The following GRK6 variants were observed in gnomAD, a reference collection of about 807,000 sequenced individuals.
The protein encoded by GRK6 is G protein-coupled receptor kinase 6.
Under a neutral mutation model 80.8 loss-of-function variants are expected in GRK6, and 37 were observed. That is an observed-to-expected ratio of 0.46 (90% CI 0.35 to 0.60). The LOEUF is 0.60. Among genes scored for constraint, GRK6 ranks in the 20% least tolerant of loss-of-function variants. The pLI is 0.00. For synonymous variants in GRK6, 295 were observed against 320.9 expected (o/e 0.92, Z 0.86); for missense variants, 560 against 784.6 (o/e 0.71, Z 3.42).
At chr5:177,439,083 A>G (rs1455980870) in intron 13 of GRK6, among the ~76,000 whole-genome samples, 1 of 152,156 alleles carries the variant, frequency 6.6e-6, no homozygotes, top group Non-Finnish European at 1.5e-5. Flanking sequence ...AAATAACTAC[A>G]CTGCCTCTGG....
chr5:177,425,601 G>T (rs1763616154), upstream of GRK6, among the ~76,000 whole-genome samples: 1 of 152,232 alleles, frequency 6.6e-6, no homozygotes, highest in Non-Finnish European at 1.5e-5. Context: ...TAGCAAGTAA[G>T]CAGGGAGCCT....
At chr5:177,427,411 A>G (rs1327817487) in intron 1 of GRK6, among the ~76,000 whole-genome samples, 1 of 152,240 alleles carries the variant, frequency 6.6e-6, no homozygotes, top group Non-Finnish European at 1.5e-5. Context: ...TCCGTGCCTC[A>G]GGACACTGAG....
At chr5:177,440,129 A>G (rs778194892) in intron 13 of GRK6, 1 of 153,546 alleles carries the variant, frequency 6.5e-6, no homozygotes, top group Admixed American at 6.5e-5. Flanking sequence ...TTACATGACA[A>G]TGATTTTAAT....
intron 15 of GRK6, 135 bp from the exon 16 acceptor site, chr5:177,441,602 G>A: frequency 1.3e-6 from 1 of 789,664 alleles, no homozygotes; most frequent in South Asian, 1.4e-5. Context: ...CTTGTGGAGA[G>A]GCCCCTCCCC....
chr5:177,432,322 G>C lies in GRK6; in HGVS notation c.339+12G>C. Reference sequence around the variant, plus strand: ...TTCTGAGCCACACGGTGAGTGAGCAGCGATGGAGAGATGATGGGAGCCACC... The same window carrying C: ...TTCTGAGCCACACGGTGAGTGAGCACCGATGGAGAGATGATGGGAGCCACC... On this transcript the variant is annotated intron_variant, in intron 4 of 15. Transcript: ENST00000355472. 1 of 1,611,486 alleles carries C rather than the reference G, an allele frequency of 6.2e-7. No individual in the cohort carries two copies. Among genetic ancestry groups the C allele is most frequent in the Admixed American group, 1.7e-5 (1 of 60,032 alleles).
At chr5:177,434,770 G>T in intron 9 of GRK6, 132 bp from the exon 10 acceptor site, 1 of 940,786 alleles carries the variant, frequency 1.1e-6, no homozygotes, top group Non-Finnish European at 1.7e-6. Flanking sequence ...GCTGTCTGTC[G>T]CCCTGGCAGC....
chr5:177,428,538 C>T lies in GRK6; in HGVS notation c.52+1641C>T, dbSNP rs1763762510. 1.3e-5 allele frequency among the ~76,000 whole-genome samples: 2 copies of T among 152,198 alleles called. No individual in the cohort carries two copies. Among genetic ancestry groups the T allele is most frequent in the African/African-American group, 4.8e-5 (2 of 41,452 alleles). Reference sequence around the variant, plus strand: ...GTTCAAGTGACTCTCCTCCCTCAGCCTCCCAAGTAGCTGGGACTACAGGTG... The same window carrying T: ...GTTCAAGTGACTCTCCTCCCTCAGCTTCCCAAGTAGCTGGGACTACAGGTG... On this transcript the variant is annotated intron_variant, in intron 1 of 15. Coordinates refer to ENST00000355472, the MANE Select transcript of GRK6 (RefSeq NM_001004106.3). This position sits in a 1 kb window ranked among gnomAD's most constrained non-coding sequence, Gnocchi z 4.1.
chr5:177,432,338 G>T, intron 4 of GRK6, 28 bp downstream of exon 4: 1 of 1,604,468 alleles, frequency 6.2e-7, no homozygotes, highest in South Asian at 1.1e-5. Context: ...GAGAGATGAT[G>T]GGAGCCACCA....
At position 177,432,039 on chromosome 5, in the gene GRK6, C is replaced by T. The variant is rs1763920660; in HGVS notation, c.193C>T (p.Leu65=). 1 of 1,613,368 alleles carries T rather than the reference C, an allele frequency of 6.2e-7. No individual in the cohort carries two copies. Among genetic ancestry groups the T allele is most frequent in the South Asian group, 1.1e-5 (1 of 91,088 alleles). ...GTGCGAGCGGCAGCCCATTGGGCGC[C>T]TGCTGTTCCGAGAGTTCTGTGCCAC... The part of the protein sequence containing the change: ...SLCERQPIGR[L]LFREFCATRP... Residue 65 remains leucine (L), a synonymous_variant, in exon 3 of 16, where the codon CTG becomes TTG. Coordinates refer to ENST00000355472, the MANE Select transcript of GRK6 (RefSeq NM_001004106.3).
At chr5:177,439,317 T>A (rs890871856) in intron 13 of GRK6, among the ~76,000 whole-genome samples, 3 of 152,156 alleles carry the variant, frequency 2.0e-5, no homozygotes, top group Non-Finnish European at 4.4e-5. Flanking sequence ...GGTGAGTGGA[T>A]CACCTGAGGT....
At position 177,428,695 on chromosome 5, in the gene GRK6, G is replaced by C. The variant is rs1431493402; in HGVS notation, c.52+1798G>C. Among the ~76,000 whole-genome samples the C allele has an allele frequency of 7.2e-5, 11 of 152,210 alleles. No individual in the cohort carries two copies. The highest frequency in any genetic ancestry group is 2.7e-4 in the African/African-American group (11 of 41,458). ...GGCCTCCCTAATTGCTGGGATTATA[G>C]GCATGAGCCACCGCGCCTGGCCGAC... On this transcript the variant is annotated intron_variant, in intron 1 of 15. Transcript: ENST00000355472. This position sits in a 1 kb window ranked among gnomAD's most constrained non-coding sequence, Gnocchi z 4.1.
chr5:177,441,232 TTTCTC>T, intron 15 of GRK6, 179 bp downstream of exon 15: 1 of 1,554,514 alleles, frequency 6.4e-7, no homozygotes, highest in Non-Finnish European at 8.8e-7. Flanking sequence ...CATGGCCTCT[TTTCTC>T]TTTCCAGAGG....
At chr5:177,435,531 C>T (rs1412401585) in intron 11 of GRK6, among the ~76,000 whole-genome samples, 1 of 152,242 alleles carries the variant, frequency 6.6e-6, no homozygotes, top group Non-Finnish European at 1.5e-5. Flanking sequence ...TCTGCAGGCT[C>T]CGCCTCTTGC....
At chr5:177,433,033 C>G (rs887148154) in intron 5 of GRK6, 114 bp from the exon 6 acceptor site, 1 of 949,986 alleles carries the variant, frequency 1.1e-6, no homozygotes, top group South Asian at 1.4e-5. Context: ...GAGGACTGGC[C>G]GACGACGATA....
chr5:177,433,537 T>G lies in GRK6; in HGVS notation c.599T>G (p.Val200Gly). 1.2e-6 allele frequency: 2 copies of G among 1,613,978 alleles called. No homozygotes were observed. The highest frequency in any genetic ancestry group is 1.7e-6 in the Non-Finnish European group (2 of 1,180,006). ...RVLGKGGFGE[V>G]CACQVRATGK... ...TCGCCCCTGTCTGTCTGGCCACAGGTGTGCGCCTGCCAGGTGCGGGCCACA... is the reference window on the plus strand; with the variant it reads ...TCGCCCCTGTCTGTCTGGCCACAGGGGTGCGCCTGCCAGGTGCGGGCCACA... Residue 200 changes from valine (V) to glycine (G), a missense_variant and splice_region_variant, in exon 8 of 16, where the codon GTG becomes GGG. By Grantham distance (109) the Val-to-Gly change is moderately radical (BLOSUM62 -3). Around this residue, in one of 3 missense-constraint regions of GRK6, gnomAD observed 77 missense variants for 156.9 expected, o/e 0.49. Coordinates refer to ENST00000355472, the MANE Select transcript of GRK6 (RefSeq NM_001004106.3).
rs753438393 is a variant in GRK6 at position 177,436,375 on chromosome 5, G to A, written c.1267-18G>A. On this transcript the variant is annotated intron_variant, in intron 12 of 15. Coordinates refer to ENST00000355472, the MANE Select transcript of GRK6 (RefSeq NM_001004106.3). ...ACTCACCTGCCTGGCCTGCCTGGCC[G>A]ACTCACCCCTGCCACAGCTCCTCTG... is the stretch of plus-strand genomic sequence containing the variant. The A allele has an allele frequency of 5.4e-5, 71 of 1,319,396 alleles. No homozygotes were observed. The highest frequency in any genetic ancestry group is 4.5e-4 in the Middle Eastern group (2 of 4,450). The allele number at this position is 1,319,396 out of a possible 1,614,324, so 81.7% of individuals were successfully genotyped here.
In GRK6 at chr5:177,441,014, T is replaced by G; in HGVS notation, c.1638T>G (p.Pro546=). 1.2e-6 allele frequency: 2 copies of G among 1,613,986 alleles called. No homozygotes were observed. Among genetic ancestry groups the G allele is most frequent in the Non-Finnish European group, 1.7e-6 (2 of 1,179,996 alleles). The part of the protein sequence containing the change: ...DLDWKGQPPA[P]PKKGLLQRLF... ...ACTGGAAGGGCCAGCCACCTGCACCTCCTAAAAAGGGACTGCTGCAGAGAC... is the reference window on the plus strand; with the variant it reads ...ACTGGAAGGGCCAGCCACCTGCACCGCCTAAAAAGGGACTGCTGCAGAGAC... Residue 546 remains proline, a synonymous_variant, in exon 15 of 16, where the codon CCT becomes CCG. Coordinates refer to ENST00000355472, the MANE Select transcript of GRK6 (RefSeq NM_001004106.3).
At position 177,436,171 on chromosome 5, in the gene GRK6, C is replaced by T. The variant is rs761929808; in HGVS notation, c.1156C>T (p.Gln386Ter). 2 of 1,614,090 alleles carry T rather than the reference C, an allele frequency of 1.2e-6. No homozygotes were observed. The highest frequency in any genetic ancestry group is 1.7e-5 in the Admixed American group (1 of 60,012). The change falls in exon 12 of 16, where the codon CAG becomes TAG. Residue 386 changes from glutamine (Q) to a stop codon, truncating the protein, a stop_gained. Coordinates refer to ENST00000355472, the MANE Select transcript of GRK6 (RefSeq NM_001004106.3). LOFTEE classifies it high-confidence loss of function. ...YEMIAGQSPF[Q>*]QRKKKIKREE... ...GATGATCGCAGGCCAGTCGCCCTTC[C>T]AGCAGAGGAAGAAGAAGATCAAGCG...
At position 177,434,054 on chromosome 5, in the gene GRK6, C is replaced by G. The variant is rs759544985; in HGVS notation, c.879C>G (p.Ala293=). The change falls in exon 9 of 16, where the codon GCC becomes GCG. Residue 293 remains alanine, a synonymous_variant. Coordinates refer to ENST00000355472, the MANE Select transcript of GRK6 (RefSeq NM_001004106.3). ...AAGCGCGGGCCGTCTTCTACGCCGCCGAGATCTGCTGTGGCCTGGAGGACC... is the reference window on the plus strand; with the variant it reads ...AAGCGCGGGCCGTCTTCTACGCCGCGGAGATCTGCTGTGGCCTGGAGGACC... The part of the protein sequence containing the change: ...FPEARAVFYA[A]EICCGLEDLH... The G allele has an allele frequency of 6.2e-7, 1 of 1,608,764 alleles. No homozygotes were observed. Among genetic ancestry groups the G allele is most frequent in the Middle Eastern group, 1.7e-4 (1 of 6,044 alleles).
Sources: allele counts gnomAD v4.1 joint callset (sites outside exome capture counted in the v4.1 genomes callset), GRCh38; gene constraint gnomAD v4.1.1; regional missense constraint gnomAD v4.1.1; non-coding constraint Gnocchi (gnomAD v3.1); transcripts MANE v1.5; gene names NCBI Gene and HGNC (gene_info 2026-07-23, HGNC 2026-07-21).